The following PDZD2 variants were observed in gnomAD, a reference collection of about 807,000 sequenced individuals.
PDZD2 encodes PDZ domain containing 2.
A neutral mutation model predicts 220.7 loss-of-function variants in PDZD2; 90 were observed. That is an observed-to-expected ratio of 0.41 (90% CI 0.34 to 0.49). The LOEUF (loss-of-function observed/expected upper bound fraction) is 0.49. Ranked by LOEUF, PDZD2 falls within the 20% of genes least tolerant of loss-of-function variation. The pLI is 0.28. For synonymous variants in PDZD2, 1,375 were observed against 1,450.5 expected (o/e 0.95, Z 1.18); for missense variants, 3,174 against 3,608.5 (o/e 0.88, Z 3.08).
At chr5:31,877,944 C>T (rs1172524621) in intron 2 of PDZD2, among the ~76,000 whole-genome samples, 1 of 152,182 alleles carries the variant, frequency 6.6e-6, no homozygotes, top group Non-Finnish European at 1.5e-5. Flanking sequence ...CCACCTTGGC[C>T]TCCCAAAGTG....
In PDZD2 at chr5:31,926,403, G is replaced by A. The variant is rs372173169; in HGVS notation, c.477-56752G>A. On this transcript the variant is annotated intron_variant, in intron 2 of 24. Coordinates refer to ENST00000438447, the MANE Select transcript of PDZD2 (RefSeq NM_178140.4). Reference sequence around the variant, plus strand: ...TAGCCAGGCGTGGTGGTGCAAGCCTGTACTCCCGGCTACTCCAGAGGCTGA... The same window carrying A: ...TAGCCAGGCGTGGTGGTGCAAGCCTATACTCCCGGCTACTCCAGAGGCTGA... Among the ~76,000 whole-genome samples the A allele has an allele frequency of 1.3e-3, 188 of 149,284 alleles. 1 individual carries two copies. The highest frequency in any genetic ancestry group is 3.7e-3 in the African/African-American group (145 of 39,572).
At position 31,752,071 on chromosome 5, in the gene PDZD2, TTG is replaced by T. The variant is rs1250441683; in HGVS notation, c.-360-46816_-360-46815del. Among the ~76,000 whole-genome samples the T allele has an allele frequency of 8.7e-5, 9 of 102,886 alleles. 1 individual carries two copies. Among genetic ancestry groups the T allele is most frequent in the Admixed American group, 4.1e-4 (4 of 9,842 alleles). The allele number at this position is 102,886 out of a possible 152,430, so 67.5% of individuals were successfully genotyped here. The stretch of plus-strand genomic sequence containing the variant: ...GTTTGTTTGTTTTATTGTTTTGGGT[TTG>T]TTTTTTTTTTTTTTTTTCTGAGACA... On this transcript the variant is annotated intron_variant, in intron 1 of 24. Coordinates refer to ENST00000438447, the MANE Select transcript of PDZD2 (RefSeq NM_178140.4).
intron 1 of PDZD2, among the ~76,000 whole-genome samples, chr5:31,779,078 C>T (rs928720335): frequency 3.3e-5 from 5 of 152,052 alleles, no homozygotes; most frequent in African/African-American, 1.2e-4. Context: ...ATTAAACCAC[C>T]AATAACCAAA....
intron 19 of PDZD2, among the ~76,000 whole-genome samples, chr5:32,079,043 T>A (rs1741642312): frequency 6.6e-6 from 1 of 151,624 alleles, no homozygotes; most frequent in Non-Finnish European, 1.5e-5. Context: ...GCCGATCACT[T>A]GAGGTCAGGA....
intron 2 of PDZD2, among the ~76,000 whole-genome samples, chr5:31,801,533 A>C (rs1000620922): frequency 3.3e-5 from 5 of 152,136 alleles, no homozygotes; most frequent in Non-Finnish European, 5.9e-5. Context: ...CTGGTTGGAA[A>C]GAAGCTGATT....
chr5:32,009,464 AC>A (rs1172501327), intron 5 of PDZD2, among the ~76,000 whole-genome samples: 1 of 151,640 alleles, frequency 6.6e-6, no homozygotes, highest in Non-Finnish European at 1.5e-5. Flanking sequence ...GCGGTGACTC[AC>A]TCCTGTAATC....
intron 19 of PDZD2, among the ~76,000 whole-genome samples, chr5:32,080,347 CAAAAA>C (rs35491724): frequency 1.1e-4 from 6 of 54,276 alleles, no homozygotes; most frequent in East Asian, 1.3e-3. Context: ...GACTCCATCT[CAAAAA>C]AAAAAAAAAA....
intron 1 of PDZD2, among the ~76,000 whole-genome samples, chr5:31,691,086 G>A (rs561100250): frequency 1.3e-5 from 2 of 152,342 alleles, no homozygotes; most frequent in African/African-American, 4.8e-5. Context: ...CTCATGGTGA[G>A]TGTTACAGTT....
chr5:31,985,483 C>G (rs1008079652), intron 3 of PDZD2, among the ~76,000 whole-genome samples: 1 of 151,382 alleles, frequency 6.6e-6, no homozygotes, highest in African/African-American at 2.4e-5. Flanking sequence ...TAACTTAATG[C>G]CAGGAGTTCA....
intron 2 of PDZD2, among the ~76,000 whole-genome samples, chr5:31,888,505 T>A (rs1029297270): frequency 1.3e-5 from 2 of 152,110 alleles, no homozygotes; most frequent in African/African-American, 4.8e-5. Flanking sequence ...TTGAAGGTTT[T>A]CTAAAAAGAA....
chr5:31,930,195 T>C (rs1197357890), intron 2 of PDZD2, among the ~76,000 whole-genome samples: 2 of 104,022 alleles, frequency 1.9e-5, no homozygotes, highest in Non-Finnish European at 3.6e-5. Context: ...TCTCAGGTAT[T>C]CTTTTTTTTT....
At chr5:32,092,514 G>A (rs977890036) in intron 20 of PDZD2, among the ~76,000 whole-genome samples, 6 of 152,220 alleles carry the variant, frequency 3.9e-5, no homozygotes, top group African/African-American at 1.4e-4. Flanking sequence ...AGAGGTTGCA[G>A]TGAGCTGAGA....
At chr5:31,872,658 T>C (rs1738923971) in intron 2 of PDZD2, among the ~76,000 whole-genome samples, 1 of 152,208 alleles carries the variant, frequency 6.6e-6, no homozygotes. Context: ...GCCATTTAGT[T>C]GTGGAGAAAC....
chr5:31,840,693 T>G, intron 2 of PDZD2: 2 of 756,550 alleles, frequency 2.6e-6, no homozygotes, highest in South Asian at 2.7e-5. Flanking sequence ...CTTAATGTGC[T>G]CAATATGCAC....
Position 32,101,128 on chromosome 5 carries a change from G to A in PDZD2, c.8242G>A (p.Ala2748Thr), listed in dbSNP as rs758317903. The change falls in exon 24 of 25, where the codon GCT (alanine) becomes ACT (threonine). Residue 2748 changes from alanine (A) to threonine (T), a missense_variant. Physicochemically the swap from Ala to Thr is moderately conservative, Grantham distance 58. This residue lies in a region of PDZD2 where 631 missense variants were observed against 789.9 expected (regional missense o/e 0.80). Coordinates refer to ENST00000438447, the MANE Select transcript of PDZD2 (RefSeq NM_178140.4). ...AGGGAGAAGTGTGGCTGTACACGAT[G>A]CTCTGTGTGTTGAAGTGCTGAAGAC... ...GIGRSVAVHD[A>T]LCVEVLKTSA... is the part of the protein sequence containing the mutation. The A allele has an allele frequency of 9.3e-6, 15 of 1,614,176 alleles. No individual in the cohort carries two copies. Among genetic ancestry groups the A allele is most frequent in the Non-Finnish European group, 1.3e-5 (15 of 1,180,016 alleles).
At chr5:31,752,897 A>G (rs979617092) in intron 1 of PDZD2, among the ~76,000 whole-genome samples, 1 of 152,198 alleles carries the variant, frequency 6.6e-6, no homozygotes, top group East Asian at 1.9e-4. Flanking sequence ...CTCAACGATC[A>G]TACCCAGTCT....
chr5:31,688,585 C>T (rs1239021820), intron 1 of PDZD2, among the ~76,000 whole-genome samples: 1 of 152,162 alleles, frequency 6.6e-6, no homozygotes, highest in African/African-American at 2.4e-5. Context: ...GGATATGGTG[C>T]AGGCTGCACA....
At chr5:31,837,549 C>A (rs1288326762) in intron 2 of PDZD2, among the ~76,000 whole-genome samples, 2 of 152,108 alleles carry the variant, frequency 1.3e-5, no homozygotes, top group Non-Finnish European at 2.9e-5. Flanking sequence ...CTGGTGAAAC[C>A]CTGTTTCTAC....
At chr5:32,013,068 T>C (rs1447468498) in intron 6 of PDZD2, among the ~76,000 whole-genome samples, 1 of 152,102 alleles carries the variant, frequency 6.6e-6, no homozygotes, top group Non-Finnish European at 1.5e-5. Context: ...TAATTTTTTT[T>C]CTTTAAGCAT....
Sources: gnomAD v4.1 joint callset for allele counts (sites outside exome capture counted in the v4.1 genomes callset) on GRCh38, gnomAD v4.1.1 for gene constraint, gnomAD v4.1.1 regional missense constraint, MANE v1.5 for transcripts, NCBI Gene and HGNC (gene_info 2026-07-23, HGNC 2026-07-21) for gene names.